C12orf75: variants seen among roughly 807,000 people sequenced by gnomAD.
The protein encoded by C12orf75 is chromosome 12 open reading frame 75, also known as overexpressed in colon carcinoma 1 protein.
Under a neutral mutation model 11.4 loss-of-function variants are expected in C12orf75, and 4 were observed. The observed-to-expected ratio is 0.35, with a 90% CI of 0.17 to 0.80. The LOEUF (loss-of-function observed/expected upper bound fraction) is 0.80, where lower values mean the gene tolerates loss of function less well. Among genes scored for constraint, C12orf75 ranks in the 30% least tolerant of loss-of-function variants. C12orf75 has a pLI of 0.52. For missense variants in C12orf75, 89 were observed against 80.4 expected (o/e 1.11, Z -0.41); for synonymous variants, 30 against 30.0 (o/e 1.00, Z 0.00).
chr12:105,365,144 C>T (rs1871429462), intron 2 of C12orf75, among the ~76,000 whole-genome samples: 1 of 152,106 alleles, frequency 6.6e-6, no homozygotes, highest in Non-Finnish European at 1.5e-5. Context: ...GCTTGGATTC[C>T]TCTTAATGCA....
At chr12:105,350,477 G>GCCCTTT (rs1046119650) in intron 2 of C12orf75, among the ~76,000 whole-genome samples, 2 of 152,152 alleles carry the variant, frequency 1.3e-5, no homozygotes, top group Admixed American at 6.5e-5. Context: ...GCCTGGAGTG[G>GCCCTTT]CCCTTTCCCT....
intron 2 of C12orf75, among the ~76,000 whole-genome samples, chr12:105,349,891 A>T (rs1461216420): frequency 6.6e-6 from 1 of 152,184 alleles, no homozygotes; most frequent in Non-Finnish European, 1.5e-5. Context: ...AAAAGAAAAA[A>T]AAGAGTCAGA....
chr12:105,344,676 GC>G (rs1892613848), intron 1 of C12orf75, among the ~76,000 whole-genome samples: 1 of 151,292 alleles, frequency 6.6e-6, no homozygotes, highest in African/African-American at 2.4e-5. Context: ...AACCCAGGAA[GC>G]AGAGGTTGTG....
chr12:105,336,033 G>A (rs1001469451), intron 1 of C12orf75, among the ~76,000 whole-genome samples: 3 of 152,216 alleles, frequency 2.0e-5, no homozygotes, highest in Non-Finnish European at 4.4e-5. Flanking sequence ...GAAGAATAGC[G>A]TGGAGGAAGT....
At chr12:105,346,727 A>G (rs1892645763) in intron 1 of C12orf75, among the ~76,000 whole-genome samples, 1 of 152,210 alleles carries the variant, frequency 6.6e-6, no homozygotes, top group Non-Finnish European at 1.5e-5. Context: ...TCAGCTTTTA[A>G]TTTGCAGTAT....
At chr12:105,357,659 C>T (rs773000993) in intron 2 of C12orf75, among the ~76,000 whole-genome samples, 11 of 152,112 alleles carry the variant, frequency 7.2e-5, no homozygotes, top group Non-Finnish European at 1.6e-4. Flanking sequence ...TGATACTCAA[C>T]GGGTGGCTTG....
intron 2 of C12orf75, among the ~76,000 whole-genome samples, chr12:105,349,375 G>A (rs1175995057): frequency 1.3e-5 from 2 of 152,178 alleles, no homozygotes; most frequent in Non-Finnish European, 2.9e-5. Flanking sequence ...GCTCACATGA[G>A]GCTTTCTGGG....
At chr12:105,333,841 A>AT (rs1232092814) in intron 1 of C12orf75, among the ~76,000 whole-genome samples, 3 of 152,154 alleles carry the variant, frequency 2.0e-5, no homozygotes, top group Admixed American at 6.5e-5. Context: ...CATGGCAAAT[A>AT]TTTTTTGATG....
intron 1 of C12orf75, among the ~76,000 whole-genome samples, chr12:105,348,372 A>C (rs1044948622): frequency 6.6e-5 from 10 of 150,942 alleles, no homozygotes; most frequent in African/African-American, 2.2e-4. Context: ...CCGAGATTGC[A>C]TCACTGCACT....
chr12:105,344,972 C>CG (rs1386293819), intron 1 of C12orf75, among the ~76,000 whole-genome samples: 1 of 149,930 alleles, frequency 6.7e-6, no homozygotes, highest in African/African-American at 2.5e-5. Flanking sequence ...AAGCCCCCCC[C>CG]CAACCAATTA....
At chr12:105,331,187 C>T (rs35325227) in intron 1 of C12orf75, among the ~76,000 whole-genome samples, 27,952 of 151,746 alleles carry the variant, frequency 0.18, 2,923 homozygotes, top group Non-Finnish European at 0.24. Context: ...CTGTCGCGGG[C>T]TCCCCTGCAG....
chr12:105,367,485 A>G lies in C12orf75; in HGVS notation c.*9A>G. Reference sequence around the variant, plus strand: ...TTTCTCTTTAAGATTAGAAGAAAATAACATCATGACTCAAGAATCAAGAGG... The same window carrying G: ...TTTCTCTTTAAGATTAGAAGAAAATGACATCATGACTCAAGAATCAAGAGG... On this transcript the variant is annotated 3_prime_UTR_variant, in exon 5 of 6. Coordinates refer to ENST00000443585, the MANE Select transcript of C12orf75 (RefSeq NM_001145199.2). 1 of 844,340 alleles carries G rather than the reference A, an allele frequency of 1.2e-6. No homozygotes were observed. The highest frequency in any genetic ancestry group is 1.8e-6 in the Non-Finnish European group (1 of 553,470). 52.3% of individuals were successfully genotyped at this position (844,340 alleles called of 1,614,324 possible).
At chr12:105,333,549 T>C (rs1453532014) in intron 1 of C12orf75, among the ~76,000 whole-genome samples, 1 of 152,130 alleles carries the variant, frequency 6.6e-6, no homozygotes, top group Non-Finnish European at 1.5e-5. Flanking sequence ...ACAAAGAGAT[T>C]GTAGAAAGGG....
chr12:105,331,458 C>CTGTG (rs1892422506), intron 1 of C12orf75, among the ~76,000 whole-genome samples: 1 of 152,170 alleles, frequency 6.6e-6, no homozygotes, highest in Non-Finnish European at 1.5e-5. Flanking sequence ...AAAAACGCAT[C>CTGTG]TGTGTCTGCC....
intron 1 of C12orf75, among the ~76,000 whole-genome samples, chr12:105,332,190 A>G (rs1156812036): frequency 6.6e-6 from 1 of 152,108 alleles, no homozygotes; most frequent in Non-Finnish European, 1.5e-5. Flanking sequence ...AAACAATGTC[A>G]GGGCCACACC....
intron 1 of C12orf75, among the ~76,000 whole-genome samples, chr12:105,334,245 A>G (rs960877958): frequency 6.6e-6 from 1 of 152,236 alleles, no homozygotes; most frequent in Non-Finnish European, 1.5e-5. Context: ...TTCTAGGGCA[A>G]CGCTGGGGGC....
At position 105,365,531 on chromosome 12, in the gene C12orf75, C is replaced by A. The variant is rs149110139; in HGVS notation, c.72-276C>A. On this transcript the variant is annotated intron_variant, in intron 2 of 5. Transcript: ENST00000443585. Reference sequence around the variant, plus strand: ...TCCAATTTCAGCTGCCCTCAGTTTTCCATTTCATTTGGCAGTTGTGCATTT... The same window carrying A: ...TCCAATTTCAGCTGCCCTCAGTTTTACATTTCATTTGGCAGTTGTGCATTT... Among the ~76,000 whole-genome samples, 1,165 of 152,306 alleles carry A rather than the reference C, an allele frequency of 7.6e-3. 8 individuals are homozygous for A. Among genetic ancestry groups the A allele is most frequent in the Middle Eastern group, 0.014 (4 of 294 alleles).
intron 1 of C12orf75, among the ~76,000 whole-genome samples, chr12:105,337,911 G>A (rs950839476): frequency 3.3e-5 from 5 of 152,202 alleles, no homozygotes; most frequent in African/African-American, 1.2e-4. Context: ...TTGCTTCAAA[G>A]TGTAACTATA....
At chr12:105,340,342 T>G (rs932456009) in intron 1 of C12orf75, among the ~76,000 whole-genome samples, 4 of 151,228 alleles carry the variant, frequency 2.6e-5, no homozygotes, top group Admixed American at 2.6e-4. Context: ...GGAGAATCGC[T>G]TCGACCTGGG....
Sources: gnomAD v4.1 joint callset for allele counts (sites outside exome capture counted in the v4.1 genomes callset) on GRCh38, gnomAD v4.1.1 for gene constraint, MANE v1.5 for transcripts, NCBI Gene and HGNC (gene_info 2026-07-23, HGNC 2026-07-21) for gene names.